The following BCL11A variants were observed in gnomAD, a reference collection of about 807,000 sequenced individuals.
BCL11A encodes BCL11 transcription factor A, also known as B cell CLL/lymphoma 11A.
Under a neutral mutation model 55.9 loss-of-function variants are expected in BCL11A, and 2 were observed. That is an observed-to-expected ratio of 0.04 (90% CI 0.01 to 0.11). BCL11A has a LOEUF of 0.11. BCL11A is among the 10% of genes least tolerant of loss of function. BCL11A has a pLI of 1.00. For synonymous variants in BCL11A, 465 were observed against 473.4 expected (o/e 0.98, Z 0.23); for missense variants, 817 against 1,137.1 (o/e 0.72, Z 4.05).
Position 60,460,020 on chromosome 2 carries a change from G to A in BCL11A, c.*384C>T. The A allele has an allele frequency of 9.3e-7, 1 of 1,075,856 alleles. No homozygotes were observed. The highest frequency in any genetic ancestry group is 1.1e-6 in the Non-Finnish European group (1 of 886,622). 66.6% of individuals were successfully genotyped at this position (1,075,856 alleles called of 1,614,324 possible). The stretch of plus-strand genomic sequence containing the variant: ...AACGAATTAGGGACAATTTAAAATA[G>A]CCATAACATACCATACATGCTGTCT... On this transcript the variant is annotated 3_prime_UTR_variant, in exon 4 of 4. Transcript: ENST00000642384.
chr2:60,473,467 T>G (rs1435480552), intron 2 of BCL11A, among the ~76,000 whole-genome samples: 1 of 152,150 alleles, frequency 6.6e-6, no homozygotes, highest in Non-Finnish European at 1.5e-5. Flanking sequence ...AGCTCTTCCA[T>G]GTACCACCTT....
At chr2:60,477,454 G>A (rs1415955376) in intron 2 of BCL11A, among the ~76,000 whole-genome samples, 1 of 152,194 alleles carries the variant, frequency 6.6e-6, no homozygotes, top group African/African-American at 2.4e-5. Flanking sequence ...CCAAACATGG[G>A]TGGAGGGGCA....
intron 2 of BCL11A, among the ~76,000 whole-genome samples, chr2:60,481,722 G>A (rs778259879): frequency 3.9e-5 from 6 of 152,182 alleles, no homozygotes; most frequent in Non-Finnish European, 8.8e-5. Context: ...CAGGGCTCCA[G>A]TGTTTTAAGG....
intron 2 of BCL11A, among the ~76,000 whole-genome samples, chr2:60,477,916 C>A (rs1677713107): frequency 6.6e-6 from 1 of 152,156 alleles, no homozygotes; most frequent in African/African-American, 2.4e-5. Context: ...CCAACTCTAG[C>A]CCTTCTTAAG....
At position 60,482,101 on chromosome 2, in the gene BCL11A, A is replaced by C. The variant is rs566844525; in HGVS notation, c.386-13268T>G. Reference sequence around the variant, plus strand: ...TCCCAGGAAGAGAGGCAGACCTGTTAAGGGGCGGGTGGTTTGAGCCACTTA... The same window carrying C: ...TCCCAGGAAGAGAGGCAGACCTGTTCAGGGGCGGGTGGTTTGAGCCACTTA... On this transcript the variant is annotated intron_variant, in intron 2 of 3. Transcript: ENST00000642384. 2.0e-5 allele frequency among the ~76,000 whole-genome samples: 3 copies of C among 152,274 alleles called. No individual in the cohort carries two copies. The South Asian group carries it at 6.2e-4, about 32-fold the overall frequency.
chr2:60,541,810 A>G, intron 2 of BCL11A: 1 of 612,360 alleles, frequency 1.6e-6, no homozygotes, highest in Non-Finnish European at 2.9e-6. Context: ...TTTATTCAGA[A>G]TCACATAAAT....
rs1292016204 is a variant in BCL11A, at chr2:60,461,148, G to C, written c.1764C>G (p.Asp588Glu). The change falls in exon 4 of 4, where the codon GAC becomes GAG. Residue 588 changes from aspartate to glutamate, a missense_variant. Asp to Glu is a conservative substitution (Grantham distance 45). Transcript: ENST00000642384. Reference sequence around the variant, plus strand: ...TGCGGTCCGACTCGCCGGCCACCGAGTCTTCGTCGCAAGTGTCCCTGTGGC... The same window carrying C: ...TGCGGTCCGACTCGCCGGCCACCGACTCTTCGTCGCAAGTGTCCCTGTGGC... ...AEGHRDTCDE[D>E]SVAGESDRID... The C allele has an allele frequency of 6.2e-7, 1 of 1,612,212 alleles. No homozygotes were observed. Among genetic ancestry groups the C allele is most frequent in the South Asian group, 1.1e-5 (1 of 91,010 alleles).
intron 2 of BCL11A, among the ~76,000 whole-genome samples, chr2:60,479,058 C>A (rs1435599515): frequency 6.6e-6 from 1 of 152,074 alleles, no homozygotes; most frequent in Non-Finnish European, 1.5e-5. Context: ...GTTCCCTGAG[C>A]AAATTGGAGA....
chr2:60,548,008 AAATACAG>A (rs1670229939), intron 1 of BCL11A, among the ~76,000 whole-genome samples: 1 of 152,244 alleles, frequency 6.6e-6, no homozygotes, highest in African/African-American at 2.4e-5. Context: ...GCCAAAAGAT[AAATACAG>A]AATACATATG....
chr2:60,459,343 G>A lies in BCL11A; in HGVS notation c.*1061C>T, dbSNP rs920254933. 79 of 1,018,226 alleles carry A rather than the reference G, an allele frequency of 7.8e-5. 1 individual carries two copies. The highest frequency in any genetic ancestry group is 2.8e-4 in the South Asian group (6 of 21,562). 63.1% of individuals were successfully genotyped at this position (1,018,226 alleles called of 1,614,324 possible). A position where few individuals can be genotyped will look rare whatever the true frequency, so the allele number is the denominator to read the frequency against. On this transcript the variant is annotated 3_prime_UTR_variant, in exon 4 of 4. Coordinates refer to ENST00000642384, the MANE Select transcript of BCL11A (RefSeq NM_022893.4). ...ACTCCTTACTAGTGTATTTAATTGC[G>A]TTCCAGGGCTTTTGCACATTACACA...
intron 2 of BCL11A, chr2:60,528,617 A>C (rs1292250144): frequency 6.6e-6 from 1 of 152,342 alleles, no homozygotes; most frequent in African/African-American, 2.4e-5. Flanking sequence ...CCGCTGAAGA[A>C]AGCTGCAAAC....
chr2:60,546,972 A>G lies in BCL11A; in HGVS notation c.56-672T>C, dbSNP rs1670185467. Among the ~76,000 whole-genome samples the G allele has an allele frequency of 6.6e-6, 1 of 152,270 alleles. No homozygotes were observed. On this transcript the variant is annotated intron_variant, in intron 1 of 3. Transcript: ENST00000642384. This position sits in a 1 kb window ranked among gnomAD's most constrained non-coding sequence, Gnocchi z 4.1. ...ATGTCGCAGCATAATTCACACTGCCAAAAACCTTTCTGCTCTCACTCTCAG... is the reference window on the plus strand; with the variant it reads ...ATGTCGCAGCATAATTCACACTGCCGAAAACCTTTCTGCTCTCACTCTCAG...
intron 2 of BCL11A, among the ~76,000 whole-genome samples, chr2:60,530,188 G>C (rs772432528): frequency 6.6e-6 from 1 of 152,086 alleles, no homozygotes; most frequent in East Asian, 1.9e-4. Context: ...TCCTGCCCAG[G>C]AAAGGCTGCG....
At chr2:60,469,519 G>T (rs1481059200) in intron 2 of BCL11A, among the ~76,000 whole-genome samples, 2 of 152,148 alleles carry the variant, frequency 1.3e-5, no homozygotes, top group African/African-American at 4.8e-5. Context: ...GACTTCTGGG[G>T]TCCAAATAAC....
intron 2 of BCL11A, among the ~76,000 whole-genome samples, chr2:60,498,907 T>C (rs1573012065): frequency 7.6e-6 from 1 of 132,006 alleles, no homozygotes; most frequent in Non-Finnish European, 1.5e-5. Flanking sequence ...GTCCAACTCA[T>C]CCAGAAACTA....
intron 2 of BCL11A, among the ~76,000 whole-genome samples, chr2:60,515,722 G>T (rs1668699594): frequency 1.3e-5 from 2 of 152,196 alleles, no homozygotes; most frequent in African/African-American, 2.4e-5. Context: ...GTGGTGGGTG[G>T]CGGACAGAGA....
At chr2:60,462,470 G>T in intron 3 of BCL11A, 46 bp from the exon 4 acceptor site, 2 of 1,555,064 alleles carry the variant, frequency 1.3e-6, no homozygotes, top group South Asian at 2.5e-5. Flanking sequence ...TCACTGAGGC[G>T]GGCATCAGCA....
In BCL11A at chr2:60,546,082, T is replaced by C; in HGVS notation, c.274A>G (p.Met92Val). 6.2e-7 allele frequency: 1 copy of C among 1,614,192 alleles called. No homozygotes were observed. Among genetic ancestry groups the C allele is most frequent in the Non-Finnish European group, 8.5e-7 (1 of 1,180,032 alleles). ...TCCACGGGATTGGATGCTTTTTTCA[T>C]CTCGATTGGTGAAGGGGAAGGTGGC... ...DKPPSPSPIE[M>V]KKASNPVEVG... is the part of the protein sequence containing the mutation. The change falls in exon 2 of 4, where the codon ATG (methionine) becomes GTG (valine). Residue 92 changes from methionine to valine, a missense_variant. Physicochemically the swap from Met to Val is conservative, Grantham distance 21. Around this residue, in one of 4 missense-constraint regions of BCL11A, gnomAD observed 363 missense variants for 486.6 expected, o/e 0.75. Coordinates refer to ENST00000642384, the MANE Select transcript of BCL11A (RefSeq NM_022893.4). The surrounding 1 kb of genome is among the most constrained non-coding windows in gnomAD (Gnocchi z 4.1).
intron 2 of BCL11A, among the ~76,000 whole-genome samples, chr2:60,490,735 C>T (rs773860558): frequency 7.2e-5 from 11 of 152,130 alleles, no homozygotes; most frequent in Non-Finnish European, 1.3e-4. Context: ...CTCCTACTTG[C>T]TTCTATTATA....
Sources: gnomAD v4.1 joint callset for allele counts (sites outside exome capture counted in the v4.1 genomes callset) on GRCh38, gnomAD v4.1.1 for gene constraint, gnomAD v4.1.1 regional missense constraint, Gnocchi (gnomAD v3.1) non-coding constraint, MANE v1.5 for transcripts, NCBI Gene and HGNC (gene_info 2026-07-23, HGNC 2026-07-21) for gene names.